Variants in CAPZA1 observed in about 807,000 individuals in gnomAD.
CAPZA1 encodes F-actin-capping protein subunit alpha-1.
CAPZA1 carries 10 observed loss-of-function variants against 40.8 expected under a neutral mutation model. That is an observed-to-expected ratio of 0.25 (90% CI 0.15 to 0.42). The LOEUF is 0.42. Ranked by LOEUF, CAPZA1 falls within the 10% of genes least tolerant of loss-of-function variation. CAPZA1 has a pLI of 1.00. For missense variants in CAPZA1, 277 were observed against 353.8 expected (o/e 0.78, Z 1.74); for synonymous variants, 98 against 115.0 (o/e 0.85, Z 0.95).
At chr1:112,621,761 G>GTTTTTT (rs11418884) in intron 1 of CAPZA1, among the ~76,000 whole-genome samples, 2 of 122,904 alleles carry the variant, frequency 1.6e-5, no homozygotes, top group Non-Finnish European at 1.6e-5. Flanking sequence ...TTGGGTTATG[G>GTTTTTT]TTTTTTTTTT....
chr1:112,637,841 T>A (rs1671051808), intron 1 of CAPZA1, among the ~76,000 whole-genome samples: 1 of 152,118 alleles, frequency 6.6e-6, no homozygotes, highest in South Asian at 2.1e-4. Flanking sequence ...GATGTGAAAA[T>A]TACATGAAAT....
At chr1:112,655,367 C>T (rs1671475386) in intron 5 of CAPZA1, among the ~76,000 whole-genome samples, 1 of 152,062 alleles carries the variant, frequency 6.6e-6, no homozygotes, top group East Asian at 1.9e-4. Context: ...GTTTCAGCTA[C>T]TCAGGAGGCT....
At chr1:112,626,432 C>CA (rs34614213) in intron 1 of CAPZA1, among the ~76,000 whole-genome samples, 9,616 of 126,472 alleles carry the variant, frequency 0.076, 380 homozygotes, top group Non-Finnish European at 0.1. Context: ...CGGTCTCTAC[C>CA]AAAAAAAAAA....
chr1:112,643,226 T>C (rs1420227358), intron 1 of CAPZA1, among the ~76,000 whole-genome samples: 1 of 152,228 alleles, frequency 6.6e-6, no homozygotes, highest in Non-Finnish European at 1.5e-5. Context: ...ATCTTTATTG[T>C]AACGGTTAGT....
chr1:112,661,189 T>C (rs1249843684), intron 7 of CAPZA1, among the ~76,000 whole-genome samples: 3 of 152,196 alleles, frequency 2.0e-5, no homozygotes, highest in Non-Finnish European at 4.4e-5. Context: ...ATCTGCTCTT[T>C]TTATATATAC....
intron 3 of CAPZA1, 38 bp from the exon 4 acceptor site, chr1:112,653,557 CTTT>C (rs372032414): frequency 6.1e-5 from 50 of 816,768 alleles, no homozygotes; most frequent in Admixed American, 1.1e-4. Flanking sequence ...CTCTCTCCCT[CTTT>C]TTTTTTTTTT....
intron 1 of CAPZA1, 71 bp from the exon 2 acceptor site, chr1:112,647,139 T>C: frequency 1.4e-6 from 1 of 717,940 alleles, no homozygotes; most frequent in South Asian, 2.6e-5. Flanking sequence ...AATTTATAAT[T>C]TGTTAATTAT....
intron 7 of CAPZA1, 93 bp from the exon 8 acceptor site, chr1:112,666,981 A>G (rs1671735475): frequency 1.2e-6 from 1 of 812,950 alleles, no homozygotes; most frequent in African/African-American, 1.7e-5. Flanking sequence ...TGGCTCATCA[A>G]CTTAAAGATA....
rs572874193 is a variant in CAPZA1, at chr1:112,639,498, A to T, written c.40-7712A>T. 2.6e-5 allele frequency among the ~76,000 whole-genome samples: 4 copies of T among 152,216 alleles called. No homozygotes were observed. The South Asian group carries it at 8.3e-4, about 32-fold the overall frequency. ...TTTCATATAATCCCCTTGTTTAACC[A>T]ATTCATCAATTTTTTAAGCATGAGG... On this transcript the variant is annotated intron_variant, in intron 1 of 9. Transcript: ENST00000263168.
chr1:112,659,256 TTTATAA>T (rs2101180864), intron 6 of CAPZA1, 155 bp downstream of exon 6: 1 of 604,318 alleles, frequency 1.7e-6, no homozygotes, highest in Non-Finnish European at 3.0e-6. Context: ...GTTCTAAGGT[TTTATAA>T]TTATATTTTC....
chr1:112,663,881 G>A (rs1671667566), intron 7 of CAPZA1, among the ~76,000 whole-genome samples: 1 of 152,088 alleles, frequency 6.6e-6, no homozygotes, highest in South Asian at 2.1e-4. Context: ...GTTTAGAGAG[G>A]GTATGGAAAG....
intron 1 of CAPZA1, 130 bp downstream of exon 1, chr1:112,620,013 C>T (rs1670562806): frequency 2.8e-6 from 2 of 705,456 alleles, no homozygotes; most frequent in Non-Finnish European, 4.8e-6. Flanking sequence ...ATACGCTCTC[C>T]GCAGTCGGGA....
At chr1:112,624,512 G>T (rs1274284155) in intron 1 of CAPZA1, among the ~76,000 whole-genome samples, 1 of 148,928 alleles carries the variant, frequency 6.7e-6, no homozygotes, top group Non-Finnish European at 1.5e-5. Context: ...GGAGGCTGAG[G>T]CAGGAGAATA....
At chr1:112,623,334 A>C (rs748105459) in intron 1 of CAPZA1, among the ~76,000 whole-genome samples, 2 of 152,190 alleles carry the variant, frequency 1.3e-5, no homozygotes, top group African/African-American at 4.8e-5. Flanking sequence ...TCATTCTTCC[A>C]TCTTCACTTT....
intron 1 of CAPZA1, among the ~76,000 whole-genome samples, chr1:112,623,681 CAAAAAAAAA>C (rs1190278316): frequency 1.1e-5 from 1 of 87,776 alleles, no homozygotes; most frequent in Non-Finnish European, 2.4e-5. Flanking sequence ...AACTCCGTCT[CAAAAAAAAA>C]AAAAAAGAAA....
intron 1 of CAPZA1, among the ~76,000 whole-genome samples, chr1:112,624,497 A>G (rs1002810857): frequency 4.0e-5 from 6 of 150,536 alleles, no homozygotes; most frequent in Non-Finnish European, 7.4e-5. Context: ...AATCCCAGCT[A>G]CTCAGGAGGC....
Position 112,649,465 on chromosome 1 carries a change from G to A in CAPZA1, c.151G>A (p.Ala51Thr). 6.2e-7 allele frequency: 1 copy of A among 1,609,524 alleles called. No individual in the cohort carries two copies. Among genetic ancestry groups the A allele is most frequent in the South Asian group, 1.1e-5 (1 of 90,802 alleles). ...TGACAATCTCCTCAGGGAAGGGGCA[G>A]CACAGTAAGTATCTTTCCAAATCCA... ...NNDNLLREGA[A>T]HAFAQYNMDQ... The change falls in exon 3 of 10, where the codon GCA (alanine) becomes ACA (threonine). Residue 51 changes from alanine (A) to threonine (T), a missense_variant. Transcript: ENST00000263168.
chr1:112,653,557 C>CTTTTTT, intron 3 of CAPZA1, 41 bp from the exon 4 acceptor site: 1 of 817,152 alleles, frequency 1.2e-6, no homozygotes, highest in Non-Finnish European at 1.8e-6. Context: ...CTCTCTCCCT[C>CTTTTTT]TTTTTTTTTT....
intron 1 of CAPZA1, among the ~76,000 whole-genome samples, chr1:112,639,162 T>C (rs1671086421): frequency 6.6e-6 from 1 of 152,088 alleles, no homozygotes; most frequent in South Asian, 2.1e-4. Context: ...TAGGATTCCT[T>C]GCTATGACAA....
Sources: allele counts gnomAD v4.1 joint callset (sites outside exome capture counted in the v4.1 genomes callset), GRCh38; gene constraint gnomAD v4.1.1; transcripts MANE v1.5; gene names NCBI Gene and HGNC (gene_info 2026-07-23, HGNC 2026-07-21).